CCDC171: variants seen among roughly 807,000 people sequenced by gnomAD.
CCDC171 encodes the protein coiled-coil domain containing 171.
In CCDC171, 177 loss-of-function variants were observed where a neutral mutation model predicts 168.2. The ratio of observed to expected loss-of-function variants is 1.05; its 90% CI spans 0.93 to 1.19. The LOEUF (loss-of-function observed/expected upper bound fraction) is 1.19, where lower values mean the gene tolerates loss of function less well. Among genes scored for constraint, CCDC171 ranks in the 50% most tolerant of loss-of-function variants. The pLI is 0.00. For synonymous variants in CCDC171, 687 were observed against 540.8 expected (o/e 1.27, Z -3.75); for missense variants, 1,991 against 1,539.0 (o/e 1.29, Z -4.91).
chr9:16,043,335 T>C (rs1399991753), intron 1 of CCDC171, among the ~76,000 whole-genome samples: 1 of 152,226 alleles, frequency 6.6e-6, no homozygotes, highest in Non-Finnish European at 1.5e-5. Flanking sequence ...TGACTGTTGT[T>C]AATTTATTAT....
At chr9:15,968,345 A>G (rs1831004832) in intron 25 of CCDC171, among the ~76,000 whole-genome samples, 1 of 152,188 alleles carries the variant, frequency 6.6e-6, no homozygotes, top group Non-Finnish European at 1.5e-5. Context: ...GGTGGTGAAC[A>G]CTAACTTTTA....
At chr9:15,923,872 C>G (rs1482622472) in intron 25 of CCDC171, among the ~76,000 whole-genome samples, 1 of 151,278 alleles carries the variant, frequency 6.6e-6, no homozygotes, top group Non-Finnish European at 1.5e-5. Flanking sequence ...TGTAATTTCT[C>G]TACTACTCCC....
chr9:15,886,279 C>A (rs1819380817), intron 24 of CCDC171: 1 of 152,072 alleles, frequency 6.6e-6, no homozygotes, highest in Non-Finnish European at 1.5e-5. Context: ...ACTCATACAA[C>A]ACAATAACTT....
At chr9:15,814,161 T>C (rs938564255) in intron 21 of CCDC171, among the ~76,000 whole-genome samples, 3 of 152,248 alleles carry the variant, frequency 2.0e-5, no homozygotes, top group Admixed American at 2.0e-4. Context: ...AAATAGCCCA[T>C]TGATTTCCCA....
At chr9:15,936,985 G>A (rs1827192455) in intron 25 of CCDC171, among the ~76,000 whole-genome samples, 1 of 152,038 alleles carries the variant, frequency 6.6e-6, no homozygotes, top group Admixed American at 6.6e-5. Flanking sequence ...ACCATTAGTG[G>A]ACATTAAAGG....
intron 23 of CCDC171, among the ~76,000 whole-genome samples, chr9:15,867,155 A>G (rs2061824284): frequency 6.6e-6 from 1 of 152,072 alleles, no homozygotes; most frequent in Non-Finnish European, 1.5e-5. Context: ...ATGAGATAGA[A>G]AGATGATTAC....
chr9:16,018,714 A>G (rs1204521245), intron 3 of CCDC171, among the ~76,000 whole-genome samples: 1 of 152,234 alleles, frequency 6.6e-6, no homozygotes, highest in Non-Finnish European at 1.5e-5. Context: ...GGCCCTGTCA[A>G]TTCCCTTAAT....
intron 3 of CCDC171, among the ~76,000 whole-genome samples, chr9:15,992,880 C>G (rs1832245543): frequency 6.6e-6 from 1 of 152,112 alleles, no homozygotes; most frequent in African/African-American, 2.4e-5. Context: ...AGGAATCCAA[C>G]TTACAAGGGA....
At chr9:15,674,771 T>C (rs1333280141) in intron 9 of CCDC171, among the ~76,000 whole-genome samples, 3 of 152,206 alleles carry the variant, frequency 2.0e-5, no homozygotes, top group Non-Finnish European at 2.9e-5. Context: ...AGGAGTGTTT[T>C]ATTTCCAATT....
At chr9:15,648,527 G>C (rs1366878773) in intron 7 of CCDC171, among the ~76,000 whole-genome samples, 1 of 152,146 alleles carries the variant, frequency 6.6e-6, no homozygotes. Flanking sequence ...ATCTCCTTAA[G>C]CTGATAAGCA....
chr9:15,878,313 A>T (rs1818135162), intron 24 of CCDC171, among the ~76,000 whole-genome samples: 1 of 152,184 alleles, frequency 6.6e-6, no homozygotes, highest in Admixed American at 6.5e-5. Context: ...TGGGCACAGG[A>T]TATGAACACA....
At chr9:15,939,786 C>T (rs1300501776) in intron 25 of CCDC171, among the ~76,000 whole-genome samples, 1 of 151,764 alleles carries the variant, frequency 6.6e-6, no homozygotes, top group East Asian at 1.9e-4. Flanking sequence ...CGGTAGTCCA[C>T]CCTGGAATAA....
In CCDC171 at chr9:15,982,700, C is replaced by T. The variant is rs16933880; in HGVS notation, n.369-37889C>T. On this transcript the variant is annotated intron_variant and non_coding_transcript_variant, in intron 3 of 9. Coordinates refer to the CCDC171 transcript ENST00000486641. ...TCCCTTCCTTCTACTGACTGGTGCTCTCAGCCTAATTTCCACATGACCCAG... is the reference window on the plus strand; with the variant it reads ...TCCCTTCCTTCTACTGACTGGTGCTTTCAGCCTAATTTCCACATGACCCAG... Among the ~76,000 whole-genome samples, 1,263 of 152,208 alleles carry T rather than the reference C, an allele frequency of 8.3e-3. 18 individuals carry two copies. The highest frequency in any genetic ancestry group is 0.029 in the African/African-American group (1,202 of 41,546).
chr9:15,944,364 T>C (rs1230056249), intron 25 of CCDC171, among the ~76,000 whole-genome samples: 3 of 152,032 alleles, frequency 2.0e-5, no homozygotes, highest in South Asian at 4.2e-4. Flanking sequence ...GAAGAGGACT[T>C]GTCGATATAT....
At chr9:15,938,263 C>T (rs1269912390) in intron 25 of CCDC171, among the ~76,000 whole-genome samples, 1 of 151,682 alleles carries the variant, frequency 6.6e-6, no homozygotes, top group South Asian at 2.1e-4. Context: ...GTGCTCTAAA[C>T]TAAAGATGGG....
At chr9:15,880,600 G>A (rs1170918590) in intron 24 of CCDC171, among the ~76,000 whole-genome samples, 1 of 150,200 alleles carries the variant, frequency 6.7e-6, no homozygotes, top group Non-Finnish European at 1.5e-5. Context: ...GGGACTGCAG[G>A]CATGTGCCAC....
At chr9:15,669,952 T>TAAA (rs34465887) in intron 9 of CCDC171, among the ~76,000 whole-genome samples, 1 of 112,320 alleles carries the variant, frequency 8.9e-6, no homozygotes, top group Admixed American at 9.6e-5. Context: ...GCTGAAGTCT[T>TAAA]AAAAAAAAAA....
chr9:15,660,720 CATT>C (rs1329591851), intron 8 of CCDC171, among the ~76,000 whole-genome samples: 1 of 152,174 alleles, frequency 6.6e-6, no homozygotes, highest in East Asian at 1.9e-4. Flanking sequence ...TCCAATCCAT[CATT>C]GATTGATGAG....
At chr9:16,083,189 A>C in the CCDC171 span, among the ~76,000 whole-genome samples, 1 of 152,326 alleles carries the variant, frequency 6.6e-6, no homozygotes, top group Non-Finnish European at 1.5e-5. Flanking sequence ...TATGTTGAGA[A>C]TGTTCCTATT....
Sources: allele counts gnomAD v4.1 joint callset (sites outside exome capture counted in the v4.1 genomes callset), GRCh38; gene constraint gnomAD v4.1.1; transcripts MANE v1.5; gene names NCBI Gene and HGNC (gene_info 2026-07-23, HGNC 2026-07-21).